The following CSMD1 variants were observed in gnomAD, a reference collection of about 807,000 sequenced individuals.
CSMD1 encodes CUB and Sushi multiple domains 1.
A neutral mutation model predicts 417.5 loss-of-function variants in CSMD1; 213 were observed. That is an observed-to-expected ratio of 0.51 (90% CI 0.46 to 0.57). CSMD1 has a LOEUF of 0.57. Ranked by LOEUF, CSMD1 falls within the 20% of genes least tolerant of loss-of-function variation. The pLI is 0.00. For synonymous variants in CSMD1, 2,862 were observed against 1,736.8 expected (o/e 1.65, Z -16.11); for missense variants, 6,923 against 4,529.7 (o/e 1.53, Z -15.17).
intron 5 of CSMD1, among the ~76,000 whole-genome samples, chr8:3,809,573 T>C (rs546611193): frequency 2.0e-5 from 3 of 152,278 alleles, no homozygotes; most frequent in African/African-American, 7.2e-5. Flanking sequence ...GGAGAGCTTG[T>C]GAAAGTGTAG....
At position 4,124,114 on chromosome 8, in the gene CSMD1, T is replaced by C. The variant is rs555327467; in HGVS notation, c.416-92015A>G. On this transcript the variant is annotated intron_variant, in intron 3 of 69. Transcript: ENST00000635120. ...AGAAAAAAAAGAGAAAGAAAAACTA[T>C]TTTCTGCAAGAAGTCAAGTGATGAA... is the stretch of plus-strand genomic sequence containing the variant. Among the ~76,000 whole-genome samples, 5 of 152,254 alleles carry C rather than the reference T, an allele frequency of 3.3e-5. No homozygotes were observed. The East Asian group carries it at 7.7e-4, about 24-fold the overall frequency.
At chr8:4,563,345 G>C (rs954996054) in intron 2 of CSMD1, among the ~76,000 whole-genome samples, 10 of 152,158 alleles carry the variant, frequency 6.6e-5, no homozygotes, top group Admixed American at 2.0e-4. Context: ...AGCTTTCAGT[G>C]AGCTCAGATC....
At chr8:4,027,363 G>C (rs908296864) in intron 4 of CSMD1, among the ~76,000 whole-genome samples, 1 of 152,144 alleles carries the variant, frequency 6.6e-6, no homozygotes, top group East Asian at 1.9e-4. Flanking sequence ...ACCTTGAATT[G>C]TAACCTAAAT....
At chr8:4,950,977 CAAAAACAA>C (rs1808708814) in intron 1 of CSMD1, among the ~76,000 whole-genome samples, 1 of 103,196 alleles carries the variant, frequency 9.7e-6, no homozygotes, top group African/African-American at 3.8e-5. Context: ...AAAACAAAAA[CAAAAACAA>C]AAACAAACAA....
rs1338166115 is a variant in CSMD1 at position 3,177,607 on chromosome 8, A to G, written c.5725+3503T>C. Among the ~76,000 whole-genome samples the G allele has an allele frequency of 5.9e-5, 9 of 152,318 alleles. No individual in the cohort carries two copies. The East Asian group carries it at 1.7e-3, about 29-fold the overall frequency. On this transcript the variant is annotated intron_variant, in intron 37 of 69. Transcript: ENST00000635120. ...AGTAGGGATAACTGGGGCAATAGAA[A>G]TACTTAATTACACCAAAATCTGTCA...
At chr8:4,573,218 C>T (rs888084023) in intron 2 of CSMD1, among the ~76,000 whole-genome samples, 3 of 152,156 alleles carry the variant, frequency 2.0e-5, no homozygotes, top group African/African-American at 7.2e-5. Context: ...TTGGAATTTT[C>T]AGCATTTTTG....
chr8:3,118,361 A>T lies in CSMD1; in HGVS notation c.6430+38T>A, dbSNP rs777946699. On this transcript the variant is annotated intron_variant, in intron 42 of 69. Transcript: ENST00000635120. ...TATTTAATGTGCTATTATGCCCATG[A>T]AACATTAAATCGCCCCCATGCAAAG... The T allele has an allele frequency of 1.4e-5, 20 of 1,455,740 alleles. No individual in the cohort carries two copies. The South Asian group carries it at 1.9e-4, about 14-fold the overall frequency. The allele number at this position is 1,455,740 out of a possible 1,614,324, so 90.2% of individuals were successfully genotyped here.
intron 1 of CSMD1, among the ~76,000 whole-genome samples, chr8:4,952,872 G>T (rs1463060385): frequency 6.6e-6 from 1 of 152,102 alleles, no homozygotes; most frequent in East Asian, 1.9e-4. Flanking sequence ...TGTAGACTGT[G>T]ATGTTGTTAA....
intron 26 of CSMD1, among the ~76,000 whole-genome samples, chr8:3,258,239 G>C (rs999211752): frequency 2.0e-5 from 3 of 152,056 alleles, no homozygotes; most frequent in Non-Finnish European, 4.4e-5. Flanking sequence ...AAGGAACTTG[G>C]ACAAATTTAC....
At chr8:3,502,157 G>C (rs1047163842) in intron 10 of CSMD1, among the ~76,000 whole-genome samples, 2 of 151,898 alleles carry the variant, frequency 1.3e-5, no homozygotes, top group African/African-American at 4.8e-5. Context: ...GAGGTCAGGA[G>C]ATCGAGACCA....
chr8:4,097,144 ATTTC>A (rs1801056048), intron 3 of CSMD1, among the ~76,000 whole-genome samples: 1 of 152,136 alleles, frequency 6.6e-6, no homozygotes, highest in Non-Finnish European at 1.5e-5. Context: ...CGAGCTGTTC[ATTTC>A]TTTCTGTCAT....
At chr8:4,103,799 A>C (rs1186742796) in intron 3 of CSMD1, among the ~76,000 whole-genome samples, 1 of 152,214 alleles carries the variant, frequency 6.6e-6, no homozygotes, top group Non-Finnish European at 1.5e-5. Flanking sequence ...AGAATGACAG[A>C]AAGGGTAAAT....
At chr8:3,100,351 C>T (rs1434158638) in intron 46 of CSMD1, among the ~76,000 whole-genome samples, 2 of 152,198 alleles carry the variant, frequency 1.3e-5, no homozygotes, top group African/African-American at 4.8e-5. Context: ...GGTGTTTACC[C>T]ATGAGCGAAA....
chr8:3,537,696 A>C (rs1311497814), intron 10 of CSMD1, among the ~76,000 whole-genome samples: 1 of 152,214 alleles, frequency 6.6e-6, no homozygotes, highest in East Asian at 1.9e-4. Context: ...TGTATTTGCA[A>C]AAATCATATA....
At position 3,580,182 on chromosome 8, in the gene CSMD1, G is replaced by A. The variant is rs117352303; in HGVS notation, c.1223-5116C>T. 1.9e-3 allele frequency among the ~76,000 whole-genome samples: 289 copies of A among 152,244 alleles called. 4 individuals are homozygous for A. The East Asian group carries it at 0.047, about 25-fold the overall frequency. ...ATGAGTTGAACACTGAGGGTATGGCGGAGAGAGAACAAAACTAAGTTTCTT... is the reference window on the plus strand; with the variant it reads ...ATGAGTTGAACACTGAGGGTATGGCAGAGAGAGAACAAAACTAAGTTTCTT... On this transcript the variant is annotated intron_variant, in intron 9 of 69. Coordinates refer to ENST00000635120, the MANE Select transcript of CSMD1 (RefSeq NM_033225.6).
At chr8:3,865,742 T>G (rs968500774) in intron 5 of CSMD1, among the ~76,000 whole-genome samples, 1 of 152,206 alleles carries the variant, frequency 6.6e-6, no homozygotes, top group Non-Finnish European at 1.5e-5. Context: ...GCTTACATGC[T>G]AATGGAGTAA....
intron 3 of CSMD1, among the ~76,000 whole-genome samples, chr8:4,033,877 A>G (rs1797483942): frequency 6.6e-6 from 1 of 152,210 alleles, no homozygotes; most frequent in Non-Finnish European, 1.5e-5. Flanking sequence ...ATTCAGTTGA[A>G]TGGATGAAAT....
chr8:3,959,488 G>C (rs1405288108), intron 5 of CSMD1, among the ~76,000 whole-genome samples: 2 of 152,180 alleles, frequency 1.3e-5, no homozygotes, highest in African/African-American at 4.8e-5. Flanking sequence ...GACTGAGCGA[G>C]ACTCCGTCAA....
At chr8:4,561,362 G>A (rs1251015680) in intron 2 of CSMD1, among the ~76,000 whole-genome samples, 1 of 152,142 alleles carries the variant, frequency 6.6e-6, no homozygotes, top group Non-Finnish European at 1.5e-5. Context: ...GACAGAATGA[G>A]ACTCCATCTC....
Sources: gnomAD v4.1 joint callset for allele counts (sites outside exome capture counted in the v4.1 genomes callset) on GRCh38, gnomAD v4.1.1 for gene constraint, MANE v1.5 for transcripts, NCBI Gene and HGNC (gene_info 2026-07-23, HGNC 2026-07-21) for gene names.